Variants in EPCIP observed in about 807,000 individuals in gnomAD.
EPCIP encodes exosomal polycystin-1-interacting protein.
chr21:32,794,284 A>T, the EPCIP span: 1 of 1,614,272 alleles, frequency 6.2e-7, no homozygotes. Flanking sequence ...GGATGTCCGC[A>T]GAACAGCTGC....
the EPCIP span, chr21:32,793,519 G>A: frequency 1.7e-6 from 1 of 576,604 alleles, no homozygotes. Context: ...ACATGTCCCT[G>A]GACGGAATCA....
the EPCIP span, chr21:32,794,404 C>A: frequency 1.2e-6 from 2 of 1,612,420 alleles, no homozygotes; most frequent in East Asian, 4.5e-5. Flanking sequence ...GAAGACAGTG[C>A]CTGGAAGGTG....
chr21:32,793,542 G>T, the EPCIP span: 2 of 606,916 alleles, frequency 3.3e-6, no homozygotes, highest in East Asian at 2.7e-5. Context: ...TTGGTTTTTT[G>T]GTTTCTTTTT....
chr21:32,796,305 G>A, the EPCIP span, among the ~76,000 whole-genome samples: 1 of 152,188 alleles, frequency 6.6e-6, no homozygotes, highest in East Asian at 1.9e-4. Flanking sequence ...GAGTTAGGCA[G>A]GGCCCAGCCT....
the EPCIP span, among the ~76,000 whole-genome samples, chr21:32,802,693 G>A: frequency 6.6e-6 from 1 of 152,212 alleles, no homozygotes; most frequent in Non-Finnish European, 1.5e-5. Context: ...GTGGGGATGA[G>A]GATGAGGCTG....
the EPCIP span, among the ~76,000 whole-genome samples, chr21:32,796,440 G>A: frequency 6.6e-6 from 1 of 152,210 alleles, no homozygotes; most frequent in South Asian, 2.1e-4. Context: ...GAGAAGCACT[G>A]TACTGAACAT....
chr21:32,813,623 T>C, the EPCIP span: 1 of 471,100 alleles, frequency 2.1e-6, no homozygotes, highest in East Asian at 6.9e-5. Flanking sequence ...GCCTCGCCTC[T>C]CCACTCCACA....
chr21:32,804,523 C>T, the EPCIP span, among the ~76,000 whole-genome samples: 2 of 151,770 alleles, frequency 1.3e-5, no homozygotes, highest in Non-Finnish European at 2.9e-5. Context: ...TAGTACTATT[C>T]ATAGACATTG....
the EPCIP span, among the ~76,000 whole-genome samples, chr21:32,805,226 T>C: frequency 2.6e-5 from 4 of 152,204 alleles, no homozygotes; most frequent in Admixed American, 6.5e-5. Flanking sequence ...AGATTTTCCC[T>C]TGGAGTCTCC....
At chr21:32,805,444 C>T in the EPCIP span, among the ~76,000 whole-genome samples, 1 of 151,792 alleles carries the variant, frequency 6.6e-6, no homozygotes, top group Non-Finnish European at 1.5e-5. Context: ...TCACTGCAAT[C>T]TTTGCATCCC....
At chr21:32,794,553 C>A in the EPCIP span, 1 of 859,292 alleles carries the variant, frequency 1.2e-6, no homozygotes. Context: ...AAAAGGAACC[C>A]CAGAAAAAAA....
At chr21:32,810,723 A>G in the EPCIP span, 3 of 468,908 alleles carry the variant, frequency 6.4e-6, no homozygotes, top group Non-Finnish European at 1.3e-5. Flanking sequence ...TGACTGCATC[A>G]TGCTCACATG....
the EPCIP span, among the ~76,000 whole-genome samples, chr21:32,804,377 C>G: frequency 6.6e-6 from 1 of 151,558 alleles, no homozygotes; most frequent in East Asian, 1.9e-4. Context: ...AACTCCCAGG[C>G]TCAAGTGATT....
the EPCIP span, among the ~76,000 whole-genome samples, chr21:32,802,224 C>T: frequency 6.6e-6 from 1 of 152,286 alleles, no homozygotes; most frequent in Non-Finnish European, 1.5e-5. Context: ...TTATAAAGGC[C>T]ATTCACATAT....
chr21:32,809,304 C>A, the EPCIP span, among the ~76,000 whole-genome samples: 5 of 128,326 alleles, frequency 3.9e-5, no homozygotes, highest in Non-Finnish European at 4.9e-5. Context: ...TTCTTTCTTT[C>A]TTTCTTTCTT....
At chr21:32,803,436 G>A in the EPCIP span, among the ~76,000 whole-genome samples, 15 of 152,178 alleles carry the variant, frequency 9.9e-5, no homozygotes, top group Non-Finnish European at 1.2e-4. Context: ...CCAGGGCTGT[G>A]CAACCCCTCT....
the EPCIP span, among the ~76,000 whole-genome samples, chr21:32,804,534 A>G: frequency 6.6e-6 from 1 of 151,926 alleles, no homozygotes; most frequent in African/African-American, 2.4e-5. Context: ...ATAGACATTG[A>G]TATTTTGTAA....
the EPCIP span, among the ~76,000 whole-genome samples, chr21:32,807,080 C>T: frequency 6.6e-6 from 1 of 152,202 alleles, no homozygotes; most frequent in Non-Finnish European, 1.5e-5. Flanking sequence ...ATTCAATAAT[C>T]TCCCACTGGG....
At chr21:32,808,822 G>T in the EPCIP span, among the ~76,000 whole-genome samples, 1 of 152,106 alleles carries the variant, frequency 6.6e-6, no homozygotes, top group East Asian at 1.9e-4. Context: ...TTATCTTCAC[G>T]ATTTTTCTGT....
Sources: gnomAD v4.1 joint callset for allele counts (sites outside exome capture counted in the v4.1 genomes callset) on GRCh38, gnomAD v4.1.1 for gene constraint, MANE v1.5 for transcripts, NCBI Gene and HGNC (gene_info 2026-07-23, HGNC 2026-07-21) for gene names.